Variants in LARS1 observed in about 807,000 individuals in gnomAD.
LARS1 encodes the protein leucine--tRNA ligase, cytoplasmic.
In LARS1, 100 loss-of-function variants were observed where a neutral mutation model predicts 162.8. That is an observed-to-expected ratio of 0.61 (90% CI 0.52 to 0.73). The LOEUF is 0.73. LARS1 is among the 30% of genes least tolerant of loss of function. The pLI is 0.00. For missense variants in LARS1, 1,258 were observed against 1,408.9 expected (o/e 0.89, Z 1.71); for synonymous variants, 457 against 462.8 (o/e 0.99, Z 0.16).
chr5:146,171,838 A>T, intron 4 of LARS1, 72 bp downstream of exon 4: 1 of 1,044,328 alleles, frequency 9.6e-7, no homozygotes, highest in Non-Finnish European at 1.4e-6. Flanking sequence ...AAATCCTTTT[A>T]AGCTCTTGAA....
chr5:146,148,230 G>C (rs1388865467), intron 15 of LARS1, among the ~76,000 whole-genome samples: 1 of 152,216 alleles, frequency 6.6e-6, no homozygotes, highest in African/African-American at 2.4e-5. Context: ...AGGAGATCCA[G>C]CTCAAGAGGA....
intron 13 of LARS1, among the ~76,000 whole-genome samples, chr5:146,152,701 T>C (rs977068335): frequency 2.6e-5 from 4 of 152,246 alleles, no homozygotes; most frequent in Admixed American, 2.6e-4. Flanking sequence ...GTTGTGCTTT[T>C]GGTTTATATT....
intron 2 of LARS1, among the ~76,000 whole-genome samples, chr5:146,177,344 T>A (rs1754632393): frequency 6.6e-6 from 1 of 150,906 alleles, no homozygotes; most frequent in African/African-American, 2.4e-5. Flanking sequence ...TGGGTGCCTG[T>A]AGTCCCAGCT....
Position 146,144,522 on chromosome 5 carries a change from T to C in LARS1, c.1605A>G (p.Gly535=), listed in dbSNP as rs1173602841. 2 of 1,613,836 alleles carry C rather than the reference T, an allele frequency of 1.2e-6. No individual in the cohort carries two copies. Among genetic ancestry groups the C allele is most frequent in the African/African-American group, 1.3e-5 (1 of 74,898 alleles). Residue 535 remains glycine, a synonymous_variant, in exon 17 of 32, where the codon GGA becomes GGG. Coordinates refer to ENST00000394434, the MANE Select transcript of LARS1 (RefSeq NM_020117.11). ...ALCDQWYLDY[G]EENWKKQTSQ... ...ATGTCTGTTTCTTCCAATTCTCTTC[T>C]CCATAATCCAAGTACCTGGGAGTGG...
chr5:146,114,184 G>A lies in LARS1; in HGVS notation c.3453C>T (p.Leu1151=), dbSNP rs1764096378. 1 of 1,613,452 alleles carries A rather than the reference G, an allele frequency of 6.2e-7. No homozygotes were observed. The highest frequency in any genetic ancestry group is 1.3e-5 in the African/African-American group (1 of 74,726). Residue 1151 remains leucine (L), a synonymous_variant, in exon 32 of 32, where the codon CTC becomes CTT. Coordinates refer to ENST00000394434, the MANE Select transcript of LARS1 (RefSeq NM_020117.11). The stretch of plus-strand genomic sequence containing the variant: ...CAGTCAGATGAATTTTCTTGCTCAT[G>A]AGGTCCACATTGAAAACAGCATGCT... The part of the protein sequence containing the change: ...ISEHAVFNVD[L]MSKKIHLTEN...
chr5:146,165,545 A>C (rs1483427801), intron 5 of LARS1, among the ~76,000 whole-genome samples: 2 of 152,108 alleles, frequency 1.3e-5, no homozygotes. Context: ...AAAACAAAAA[A>C]AAAAGTAAAT....
intron 23 of LARS1, chr5:146,131,370 T>A (rs1267703258): frequency 3.8e-6 from 1 of 265,260 alleles, no homozygotes; most frequent in Non-Finnish European, 7.0e-6. Context: ...TGACACTGCT[T>A]AGGGCTCCTG....
At chr5:146,137,058 A>G (rs1749175195) in intron 21 of LARS1, among the ~76,000 whole-genome samples, 1 of 152,086 alleles carries the variant, frequency 6.6e-6, no homozygotes, top group Admixed American at 6.6e-5. Flanking sequence ...AACCAGGCCC[A>G]GCTAATTTTT....
chr5:146,135,308 C>T (rs558404485), intron 22 of LARS1, among the ~76,000 whole-genome samples: 7 of 152,000 alleles, frequency 4.6e-5, no homozygotes, highest in South Asian at 4.2e-4. Context: ...TGAGCCACCG[C>T]GCTTGGCCCA....
chr5:146,159,925 T>C (rs1448208649), intron 7 of LARS1, among the ~76,000 whole-genome samples: 2 of 152,076 alleles, frequency 1.3e-5, no homozygotes, highest in Non-Finnish European at 2.9e-5. Flanking sequence ...TGGCAGGGAA[T>C]ACTGAACATA....
chr5:146,150,623 T>C (rs1753230829), intron 14 of LARS1, among the ~76,000 whole-genome samples: 1 of 85,884 alleles, frequency 1.2e-5, no homozygotes, highest in Non-Finnish European at 3.0e-5. Flanking sequence ...CAAGACTCCG[T>C]CTCAAAAAAA....
intron 2 of LARS1, among the ~76,000 whole-genome samples, chr5:146,173,201 G>A (rs371169376): frequency 6.6e-6 from 1 of 151,924 alleles, no homozygotes; most frequent in Admixed American, 6.6e-5. Flanking sequence ...CTAGCCGGGC[G>A]TGATGGCGTG....
chr5:146,113,823 A>AT lies in LARS1; in HGVS notation c.*282dup. On this transcript the variant is annotated 3_prime_UTR_variant, in exon 32 of 32. Transcript: ENST00000394434. Reference sequence around the variant, plus strand: ...GAAGCATACTGACACTTTTATGTTCATCTTAAAAACCAGAAACTTCTAGGA... The same window carrying AT: ...GAAGCATACTGACACTTTTATGTTCATTCTTAAAAACCAGAAACTTCTAGGA... 1 of 377,102 alleles carries AT rather than the reference A, an allele frequency of 2.7e-6. No individual in the cohort carries two copies. The highest frequency in any genetic ancestry group is 4.8e-6 in the Non-Finnish European group (1 of 206,748). The allele number at this position is 377,102 out of a possible 1,614,324, so 23.4% of individuals were successfully genotyped here.
At chr5:146,145,239 C>A (rs1752961230) in intron 15 of LARS1, among the ~76,000 whole-genome samples, 1 of 151,378 alleles carries the variant, frequency 6.6e-6, no homozygotes, top group African/African-American at 2.4e-5. Flanking sequence ...ACATGTCAAC[C>A]CACCCAGTTA....
rs535294402 is a variant in LARS1, at chr5:146,159,065, C to T, written c.771+342G>A. 1.1e-4 allele frequency among the ~76,000 whole-genome samples: 17 copies of T among 151,286 alleles called. 1 individual carries two copies. In the South Asian group the frequency reaches 2.3e-3, roughly 20 times the overall value. On this transcript the variant is annotated intron_variant, in intron 8 of 31. Transcript: ENST00000394434. ...GAGCCGAGATAGCACCACTGCAGTC[C>T]GGTCTGGGCTAAAGAGCAAGACTCC...
At chr5:146,147,928 G>A (rs922758284) in intron 15 of LARS1, among the ~76,000 whole-genome samples, 4 of 152,110 alleles carry the variant, frequency 2.6e-5, no homozygotes, top group African/African-American at 9.7e-5. Flanking sequence ...AAAGTCAGGG[G>A]AAACAAGTTA....
chr5:146,140,738 G>A (rs1024355220), intron 20 of LARS1, among the ~76,000 whole-genome samples: 2 of 152,184 alleles, frequency 1.3e-5, no homozygotes, highest in African/African-American at 4.8e-5. Context: ...CTGGGAGGTG[G>A]AGGTTGCGGT....
At chr5:146,172,547 C>G (rs1030454003) in intron 3 of LARS1, 140 bp downstream of exon 3, 11 of 410,736 alleles carry the variant, frequency 2.7e-5, no homozygotes, top group East Asian at 1.3e-4. Flanking sequence ...AAATAAATTA[C>G]TTAAATATAA....
At chr5:146,134,194 A>G (rs1351201481) in intron 22 of LARS1, among the ~76,000 whole-genome samples, 1 of 151,638 alleles carries the variant, frequency 6.6e-6, no homozygotes, top group Non-Finnish European at 1.5e-5. Flanking sequence ...TCATGAGCTC[A>G]TACTTTTATC....
Sources: allele counts gnomAD v4.1 joint callset (sites outside exome capture counted in the v4.1 genomes callset), GRCh38; gene constraint gnomAD v4.1.1; transcripts MANE v1.5; gene names NCBI Gene and HGNC (gene_info 2026-07-23, HGNC 2026-07-21).